Variants in ATP11A observed in about 807,000 individuals in gnomAD.
ATP11A encodes phospholipid-transporting ATPase IH.
ATP11A carries 81 observed loss-of-function variants against 154.4 expected under a neutral mutation model. The ratio of observed to expected loss-of-function variants is 0.52; its 90% CI spans 0.44 to 0.63. The LOEUF (loss-of-function observed/expected upper bound fraction) is 0.63. Among genes scored for constraint, ATP11A ranks in the 30% least tolerant of loss-of-function variants. ATP11A has a pLI of 0.00. For synonymous variants in ATP11A, 623 were observed against 585.9 expected, an observed-to-expected ratio of 1.06 and a Z score of -0.91; for missense variants, 1,316 against 1,474.3, an observed-to-expected ratio of 0.89 and a Z score of 1.76.
chr13:112,829,694 AG>A (rs1566541448), intron 12 of ATP11A, among the ~76,000 whole-genome samples: 1 of 152,248 alleles, frequency 6.6e-6, no homozygotes, highest in African/African-American at 2.4e-5. Flanking sequence ...TGGAAGCTCT[AG>A]CCAGAGCAGT....
Position 112,883,335 on chromosome 13 carries a change from T to A in ATP11A, c.*1469T>A. 2.5e-6 allele frequency: 1 copy of A among 397,324 alleles called. No homozygotes were observed. Among genetic ancestry groups the A allele is most frequent in the Non-Finnish European group, 4.4e-6 (1 of 225,754 alleles). 24.6% of individuals were successfully genotyped at this position (397,324 alleles called of 1,614,324 possible). A position where few individuals can be genotyped will look rare whatever the true frequency, so the allele number is the denominator to read the frequency against. On this transcript the variant is annotated 3_prime_UTR_variant, in exon 30 of 30. Transcript: ENST00000375645. ...TATTTGACATAGCCTTAATGGTCCTTAAAGAAGACATTTCAGTGTGAGATT... is the reference window on the plus strand; with the variant it reads ...TATTTGACATAGCCTTAATGGTCCTAAAAGAAGACATTTCAGTGTGAGATT...
chr13:112,819,439 G>GT lies in ATP11A; in HGVS notation c.674+38dup, dbSNP rs755208322. 4 of 1,595,998 alleles carry GT rather than the reference G, an allele frequency of 2.5e-6. No homozygotes were observed. The South Asian group carries it at 4.4e-5, about 18-fold the overall frequency. ...GGGAGCTTTGGGTTCTTTAGAAACGGTTTTTTATGCCCTCAACATTGCTCT... is the reference window on the plus strand; with the variant it reads ...GGGAGCTTTGGGTTCTTTAGAAACGGTTTTTTTATGCCCTCAACATTGCTCT... On this transcript the variant is annotated intron_variant, in intron 7 of 29. Transcript: ENST00000375645.
intron 17 of ATP11A, among the ~76,000 whole-genome samples, chr13:112,850,576 G>A (rs1386825112): frequency 6.6e-6 from 1 of 151,816 alleles, no homozygotes; most frequent in African/African-American, 2.4e-5. Context: ...CATTGTGAAA[G>A]AACAACCTAC....
At chr13:112,813,195 TC>T (rs2078551914) in intron 5 of ATP11A, among the ~76,000 whole-genome samples, 1 of 152,180 alleles carries the variant, frequency 6.6e-6, no homozygotes, top group African/African-American at 2.4e-5. Context: ...AGAAAAGCAG[TC>T]CTTTAATTAG....
chr13:112,731,331 T>C (rs188196816), intron 1 of ATP11A, among the ~76,000 whole-genome samples: 6 of 143,344 alleles, frequency 4.2e-5, no homozygotes, highest in Admixed American at 3.3e-4. Flanking sequence ...GAAAACAGAT[T>C]AGCTTTATTA....
rs548451500 is a variant in ATP11A, at chr13:112,838,674, G to C, written c.1705+2423G>C. ...AGCCGCTGGATCACTCGAAGAATCCGGGTTGGAGGCATTTGTGCCATGAGA... is the reference window on the plus strand; with the variant it reads ...AGCCGCTGGATCACTCGAAGAATCCCGGTTGGAGGCATTTGTGCCATGAGA... On this transcript the variant is annotated intron_variant, in intron 16 of 29. Transcript: ENST00000375645. The surrounding 1 kb of genome is among the most constrained non-coding windows in gnomAD (Gnocchi z 7.3). 3.9e-5 allele frequency among the ~76,000 whole-genome samples: 6 copies of C among 152,326 alleles called. No homozygotes were observed. In the South Asian group the frequency reaches 1.2e-3, roughly 32 times the overall value.
At chr13:112,772,074 C>T (rs926935092) in intron 1 of ATP11A, among the ~76,000 whole-genome samples, 1 of 152,180 alleles carries the variant, frequency 6.6e-6, no homozygotes, top group South Asian at 2.1e-4. Context: ...CTTTTTGTGT[C>T]CTTACCTGGT....
intron 1 of ATP11A, among the ~76,000 whole-genome samples, chr13:112,693,366 A>G (rs1885414748): frequency 7.0e-6 from 1 of 143,672 alleles, no homozygotes; most frequent in Non-Finnish European, 1.5e-5. Flanking sequence ...GGGGTAGTGT[A>G]TGTGCTGTGG....
intron 13 of ATP11A, among the ~76,000 whole-genome samples, chr13:112,831,896 G>T (rs140352393): frequency 7.5e-6 from 1 of 133,030 alleles, no homozygotes; most frequent in African/African-American, 2.9e-5. Context: ...GCAGACACAC[G>T]CACTCACACA....
chr13:112,832,728 C>A, intron 13 of ATP11A, 132 bp from the exon 14 acceptor site: 2 of 977,630 alleles, frequency 2.0e-6, no homozygotes, highest in African/African-American at 1.6e-5. Context: ...TAACCCCTCA[C>A]CGCCCACAAG....
chr13:112,730,400 A>G (rs965354596), intron 1 of ATP11A, among the ~76,000 whole-genome samples: 4 of 151,862 alleles, frequency 2.6e-5, no homozygotes, highest in African/African-American at 7.2e-5. Flanking sequence ...TTTGTTCTCA[A>G]AGAGCCAGCT....
intron 1 of ATP11A, among the ~76,000 whole-genome samples, chr13:112,769,064 C>T (rs2139932449): frequency 6.6e-6 from 1 of 152,238 alleles, no homozygotes; most frequent in East Asian, 1.9e-4. Flanking sequence ...GGGGGTGGAA[C>T]TGCTATGGGG....
chr13:112,830,886 A>G (rs1336534368), intron 12 of ATP11A, among the ~76,000 whole-genome samples: 1 of 152,100 alleles, frequency 6.6e-6, no homozygotes, highest in African/African-American at 2.4e-5. Flanking sequence ...TATTTGCTTG[A>G]ATTTTACCTT....
At position 112,708,692 on chromosome 13, in the gene ATP11A, C is replaced by T. The variant is rs1887421728; in HGVS notation, c.39+18237C>T. Among the ~76,000 whole-genome samples the T allele has an allele frequency of 2.0e-5, 3 of 152,270 alleles. No individual in the cohort carries two copies. In the South Asian group the frequency reaches 6.2e-4, roughly 31 times the overall value. On this transcript the variant is annotated intron_variant, in intron 1 of 29. Transcript: ENST00000375645. ...ATGGACAGTTTCTCGGCTTCCCTGG[C>T]TGTCACTCAGATGTGGCCTCTCACT...
chr13:112,843,625 G>T (rs1245122551), intron 17 of ATP11A, among the ~76,000 whole-genome samples: 1 of 152,184 alleles, frequency 6.6e-6, no homozygotes, highest in Non-Finnish European at 1.5e-5. Context: ...ACTAGAGGTC[G>T]TGGTACTCAG....
intron 1 of ATP11A, among the ~76,000 whole-genome samples, chr13:112,748,798 G>T (rs1304057214): frequency 1.3e-5 from 2 of 152,158 alleles, no homozygotes; most frequent in East Asian, 3.9e-4. Flanking sequence ...GCAGAAAATG[G>T]TGCTTGTAGA....
intron 26 of ATP11A, 38 bp downstream of exon 26, chr13:112,871,838 A>G: frequency 1.3e-6 from 2 of 1,588,100 alleles, no homozygotes; most frequent in Non-Finnish European, 1.7e-6. Flanking sequence ...CCCCAGCCAC[A>G]GTGAACCCCT....
intron 1 of ATP11A, among the ~76,000 whole-genome samples, chr13:112,727,668 A>G (rs1445570749): frequency 6.6e-6 from 1 of 152,208 alleles, no homozygotes; most frequent in Non-Finnish European, 1.5e-5. Flanking sequence ...GGGCCCGCAC[A>G]GGCCCCATTT....
intron 1 of ATP11A, among the ~76,000 whole-genome samples, chr13:112,775,385 A>AC (rs904714470): frequency 6.6e-6 from 1 of 152,072 alleles, no homozygotes; most frequent in Non-Finnish European, 1.5e-5. Context: ...GCGGGCTTCC[A>AC]CAGTCGGGGG....
Sources: allele counts gnomAD v4.1 joint callset (sites outside exome capture counted in the v4.1 genomes callset), GRCh38; gene constraint gnomAD v4.1.1; non-coding constraint Gnocchi (gnomAD v3.1); transcripts MANE v1.5; gene names NCBI Gene and HGNC (gene_info 2026-07-23, HGNC 2026-07-21).